Variants in S100Z observed in about 807,000 individuals in gnomAD.
S100Z encodes the protein protein S100-Z.
In S100Z, 11 loss-of-function variants were observed where a neutral mutation model predicts 8.5. The ratio of observed to expected loss-of-function variants is 1.30; its 90% CI spans 0.82 to 2.15. The LOEUF (loss-of-function observed/expected upper bound fraction) is 2.15. S100Z is among the 30% of genes most tolerant of loss of function. S100Z has a pLI of 0.00. For missense variants in S100Z, 126 were observed against 117.9 expected, an observed-to-expected ratio of 1.07 and a Z score of -0.32; for synonymous variants, 34 against 43.8, an observed-to-expected ratio of 0.78 and a Z score of 0.89.
chr5:76,913,978 C>T (rs1476846266), intron 4 of S100Z, among the ~76,000 whole-genome samples: 2 of 152,120 alleles, frequency 1.3e-5, no homozygotes, highest in African/African-American at 4.8e-5. Context: ...ACCTTTGGGC[C>T]CTATATTTTT....
chr5:76,895,765 C>CTTTTTTTTTTTTTTTTTTTTTT (rs57723242), intron 4 of S100Z, among the ~76,000 whole-genome samples: 6 of 88,336 alleles, frequency 6.8e-5, no homozygotes, highest in Admixed American at 1.5e-4. Flanking sequence ...TCTTTTCTTC[C>CTTTTTTTTTTTTTTTTTTTTTT]TTTTTTTTTT....
chr5:76,927,986 T>C, the S100Z span, among the ~76,000 whole-genome samples: 1 of 152,202 alleles, frequency 6.6e-6, no homozygotes, highest in Non-Finnish European at 1.5e-5. Context: ...GCCTAGACTC[T>C]GCTCTGAGGA....
intron 1 of S100Z, among the ~76,000 whole-genome samples, chr5:76,861,957 T>A (rs1483177154): frequency 6.6e-6 from 1 of 152,184 alleles, no homozygotes; most frequent in Non-Finnish European, 1.5e-5. Flanking sequence ...TTTAACATTG[T>A]TTAAGTTATT....
Position 76,877,838 on chromosome 5 carries a change from AG to A in S100Z, c.*2+5del. On this transcript the variant is annotated splice_donor_5th_base_variant and intron_variant, in intron 4 of 4. Coordinates refer to ENST00000317593, the MANE Select transcript of S100Z (RefSeq NM_130772.4). ...TGAAGAAGAAAGGAAAATAAAGGTAAGTAATAAGCTCATCTAAAGGCAGAAA... is the reference window on the plus strand; with the variant it reads ...TGAAGAAGAAAGGAAAATAAAGGTAATAATAAGCTCATCTAAAGGCAGAAA... 1 of 1,602,660 alleles carries A rather than the reference AG, an allele frequency of 6.2e-7. No homozygotes were observed. The highest frequency in any genetic ancestry group is 8.5e-7 in the Non-Finnish European group (1 of 1,169,622).
chr5:76,888,264 AG>A (rs1743719504), intron 4 of S100Z, among the ~76,000 whole-genome samples: 1 of 151,234 alleles, frequency 6.6e-6, no homozygotes, highest in Admixed American at 6.6e-5. Flanking sequence ...CTCAAAAAAA[AG>A]AAAAAAAAAA....
rs1283461725 is a variant in S100Z, at chr5:76,870,273, A to G, written c.-68A>G. The G allele has an allele frequency of 6.6e-6, 1 of 152,218 alleles. No individual in the cohort carries two copies. The highest frequency in any genetic ancestry group is 1.9e-4 in the East Asian group (1 of 5,198). The allele number at this position is 152,218 out of a possible 1,614,324, so 9.4% of individuals were successfully genotyped here. On this transcript the variant is annotated 5_prime_UTR_variant, in exon 2 of 5. Transcript: ENST00000317593. Reference sequence around the variant, plus strand: ...TCCCGTGTCTCGGCTGAGTCATCGCATTCCTTAATAGGTAAATAAGCCTAA... The same window carrying G: ...TCCCGTGTCTCGGCTGAGTCATCGCGTTCCTTAATAGGTAAATAAGCCTAA...
rs115502317 is a variant in S100Z, at chr5:76,866,305, G to A, written c.-175-3861G>A. On this transcript the variant is annotated intron_variant, in intron 1 of 4. Transcript: ENST00000317593. Reference sequence around the variant, plus strand: ...TCACTATGTTGCCCACAATGGTCTCGAAATTCTGGGCTCAAATGATCTGCC... The same window carrying A: ...TCACTATGTTGCCCACAATGGTCTCAAAATTCTGGGCTCAAATGATCTGCC... Among the ~76,000 whole-genome samples, 873 of 152,112 alleles carry A rather than the reference G, an allele frequency of 5.7e-3. 13 individuals carry two copies. Among genetic ancestry groups the A allele is most frequent in the African/African-American group, 0.02 (822 of 41,512 alleles).
At chr5:76,906,135 CATCT>C (rs1288801248) in intron 4 of S100Z, among the ~76,000 whole-genome samples, 1 of 152,170 alleles carries the variant, frequency 6.6e-6, no homozygotes. Context: ...CAGCCAAAAA[CATCT>C]TTTATGTTTT....
chr5:76,868,284 A>G (rs1742859749), intron 1 of S100Z, among the ~76,000 whole-genome samples: 2 of 152,158 alleles, frequency 1.3e-5, no homozygotes, highest in Non-Finnish European at 2.9e-5. Context: ...GGAGATTGAC[A>G]CTAAGGGGCA....
the S100Z span, among the ~76,000 whole-genome samples, chr5:76,949,618 A>G: frequency 1.3e-5 from 2 of 152,196 alleles, no homozygotes; most frequent in African/African-American, 4.8e-5. Context: ...ATGGAATATT[A>G]CTCAGTCTGA....
At position 76,920,827 on chromosome 5, in the gene S100Z, T is replaced by A. The variant is rs1745012638; in HGVS notation, c.*113T>A. On this transcript the variant is annotated 3_prime_UTR_variant, in exon 5 of 5. Transcript: ENST00000317593. ...GAATAGCACTGAATGTGTTTAGTAG[T>A]GCCTTTGGCTTGGGGGCTTTGGAGA... 6.6e-6 allele frequency: 1 copy of A among 152,204 alleles called. No homozygotes were observed. 9.4% of individuals were successfully genotyped at this position (152,204 alleles called of 1,614,324 possible).
chr5:76,936,616 TACACACACAC>T, the S100Z span, among the ~76,000 whole-genome samples: 1,436 of 134,126 alleles, frequency 0.011, 15 homozygotes, highest in African/African-American at 0.036. Context: ...TTAAAGTTCC[TACACACACAC>T]ACACACACAC....
chr5:76,927,033 C>G, the S100Z span, among the ~76,000 whole-genome samples: 1 of 152,156 alleles, frequency 6.6e-6, no homozygotes, highest in African/African-American at 2.4e-5. Context: ...GTGATTCTTT[C>G]GCCTGTGCAT....
the S100Z span, among the ~76,000 whole-genome samples, chr5:76,944,632 C>A: frequency 7.7e-4 from 117 of 152,320 alleles, no homozygotes; most frequent in African/African-American, 2.7e-3. Flanking sequence ...TAACTAAACA[C>A]CGGCTAGCTT....
intron 1 of S100Z, among the ~76,000 whole-genome samples, chr5:76,859,873 T>A (rs555671192): frequency 2.6e-5 from 4 of 151,814 alleles, no homozygotes; most frequent in Non-Finnish European, 5.9e-5. Context: ...CAACCACAAT[T>A]AGCCTCTGCA....
intron 2 of S100Z, among the ~76,000 whole-genome samples, 168 bp from the exon 3 acceptor site, chr5:76,875,136 C>T (rs1436517379): frequency 6.6e-6 from 1 of 152,184 alleles, no homozygotes; most frequent in Non-Finnish European, 1.5e-5. Flanking sequence ...TGTGATCCAC[C>T]CATCTCTGCC....
At chr5:76,924,081 T>G (rs1745092738), downstream of S100Z, among the ~76,000 whole-genome samples, 1 of 152,132 alleles carries the variant, frequency 6.6e-6, no homozygotes, top group Non-Finnish European at 1.5e-5. Flanking sequence ...AAAACTCATA[T>G]CTCAGAGGAA....
chr5:76,912,421 T>G (rs1181600285), intron 4 of S100Z, among the ~76,000 whole-genome samples: 1 of 152,130 alleles, frequency 6.6e-6, no homozygotes, highest in African/African-American at 2.4e-5. Context: ...GAAGTTCATT[T>G]GTGGAGAGTG....
At chr5:76,874,515 C>T (rs1228675363) in intron 2 of S100Z, among the ~76,000 whole-genome samples, 1 of 152,098 alleles carries the variant, frequency 6.6e-6, no homozygotes, top group African/African-American at 2.4e-5. Context: ...TGATTAAATA[C>T]GGAGCAGAGG....
Sources: allele counts gnomAD v4.1 joint callset (sites outside exome capture counted in the v4.1 genomes callset), GRCh38; gene constraint gnomAD v4.1.1; transcripts MANE v1.5; gene names NCBI Gene and HGNC (gene_info 2026-07-23, HGNC 2026-07-21).